SCFD2: variants seen among roughly 807,000 people sequenced by gnomAD.
The protein encoded by SCFD2 is sec1 family domain containing 2.
Under a neutral mutation model 58.9 loss-of-function variants are expected in SCFD2, and 54 were observed. That is an observed-to-expected ratio of 0.92 (90% CI 0.74 to 1.15). SCFD2 has a LOEUF of 1.15. Among genes scored for constraint, SCFD2 ranks in the 50% most tolerant of loss-of-function variants. SCFD2 has a pLI of 0.00. For synonymous variants in SCFD2, 321 were observed against 335.9 expected, an observed-to-expected ratio of 0.96 and a Z score of 0.49; for missense variants, 805 against 836.6, an observed-to-expected ratio of 0.96 and a Z score of 0.47.
chr4:53,309,341 A>G (rs1275312902), intron 3 of SCFD2, among the ~76,000 whole-genome samples: 5 of 152,234 alleles, frequency 3.3e-5, no homozygotes, highest in Non-Finnish European at 5.9e-5. Flanking sequence ...TAATTAGGAA[A>G]AGAGAGAATG....
At chr4:52,912,276 ACT>A (rs1196491173) in intron 6 of SCFD2, among the ~76,000 whole-genome samples, 1 of 152,044 alleles carries the variant, frequency 6.6e-6, no homozygotes, top group East Asian at 1.9e-4. Context: ...TGAGAGGGAC[ACT>A]CTGGTTTAAT....
intron 5 of SCFD2, among the ~76,000 whole-genome samples, chr4:53,066,405 C>A (rs1371537733): frequency 6.6e-6 from 1 of 152,032 alleles, no homozygotes; most frequent in Admixed American, 6.6e-5. Flanking sequence ...AGCCACTTAG[C>A]AATCAAAATC....
At chr4:53,202,057 C>T (rs186766862) in intron 4 of SCFD2, among the ~76,000 whole-genome samples, 4,735 of 152,086 alleles carry the variant, frequency 0.031, 147 homozygotes, top group African/African-American at 0.084. Flanking sequence ...ATTTTGGCTT[C>T]TGTTGCCATT....
chr4:53,273,187 C>T (rs1731227980), intron 4 of SCFD2, among the ~76,000 whole-genome samples: 1 of 152,040 alleles, frequency 6.6e-6, no homozygotes, highest in Non-Finnish European at 1.5e-5. Flanking sequence ...CAGATACTTG[C>T]CATTTTATGT....
chr4:52,972,385 G>A (rs1459119548), intron 5 of SCFD2, among the ~76,000 whole-genome samples: 1 of 152,130 alleles, frequency 6.6e-6, no homozygotes, highest in African/African-American at 2.4e-5. Flanking sequence ...GGATAAAACA[G>A]ACTTTAAAGC....
In SCFD2 at chr4:53,234,693, G is replaced by A. The variant is rs115324105; in HGVS notation, c.1311+39133C>T. Among the ~76,000 whole-genome samples, 1,251 of 152,194 alleles carry A rather than the reference G, an allele frequency of 8.2e-3. 19 individuals carry two copies. Among genetic ancestry groups the A allele is most frequent in the African/African-American group, 0.028 (1,174 of 41,540 alleles). On this transcript the variant is annotated intron_variant, in intron 4 of 8. Coordinates refer to ENST00000401642, the MANE Select transcript of SCFD2 (RefSeq NM_152540.4). ...TACTTCCAAACACCCAGAATCTGGC[G>A]ACGTTTAAGAGCACAAGCATCAAGA...
chr4:52,990,722 A>G (rs1231620681), intron 5 of SCFD2, among the ~76,000 whole-genome samples: 1 of 152,196 alleles, frequency 6.6e-6, no homozygotes, highest in East Asian at 1.9e-4. Context: ...TACTGTGTCT[A>G]TCTTGTTCAT....
At chr4:53,351,735 A>T (rs948886691) in intron 2 of SCFD2, among the ~76,000 whole-genome samples, 1 of 152,182 alleles carries the variant, frequency 6.6e-6, no homozygotes, top group Non-Finnish European at 1.5e-5. Context: ...TTTTCTTCCC[A>T]CATTGACCCA....
intron 3 of SCFD2, among the ~76,000 whole-genome samples, chr4:53,310,056 A>G (rs1732642024): frequency 6.6e-6 from 1 of 152,192 alleles, no homozygotes; most frequent in Admixed American, 6.5e-5. Flanking sequence ...AAACACAGAG[A>G]GACATATAAG....
chr4:53,070,041 T>C (rs139524998), intron 5 of SCFD2, among the ~76,000 whole-genome samples: 12 of 152,158 alleles, frequency 7.9e-5, no homozygotes, highest in Non-Finnish European at 1.0e-4. Flanking sequence ...TGTTTCAATG[T>C]TGACATCTGG....
Position 52,977,876 on chromosome 4 carries a change from G to C in SCFD2, c.1562-57006C>G, listed in dbSNP as rs529285996. 5.3e-5 allele frequency among the ~76,000 whole-genome samples: 8 copies of C among 152,140 alleles called. No individual in the cohort carries two copies. In the East Asian group the frequency reaches 9.6e-4, roughly 18 times the overall value. Reference sequence around the variant, plus strand: ...CATCTATGCCACAGACTTCGTCTACGGCAGATGAGAAAAGAGCCCATCCAC... The same window carrying C: ...CATCTATGCCACAGACTTCGTCTACCGCAGATGAGAAAAGAGCCCATCCAC... On this transcript the variant is annotated intron_variant, in intron 5 of 8. Transcript: ENST00000401642.
chr4:52,914,700 A>G (rs1003006566), intron 6 of SCFD2, among the ~76,000 whole-genome samples: 3 of 152,222 alleles, frequency 2.0e-5, no homozygotes, highest in Non-Finnish European at 4.4e-5. Flanking sequence ...TTTAAATCAG[A>G]AGAAAAAATA....
At chr4:53,224,721 C>T (rs1486166443) in intron 4 of SCFD2, among the ~76,000 whole-genome samples, 1 of 152,102 alleles carries the variant, frequency 6.6e-6, no homozygotes, top group African/African-American at 2.4e-5. Context: ...TGGCTTTAAG[C>T]CACTAAGTTT....
chr4:52,882,582 C>T (rs1176217635), intron 8 of SCFD2, among the ~76,000 whole-genome samples: 1 of 152,136 alleles, frequency 6.6e-6, no homozygotes, highest in Non-Finnish European at 1.5e-5. Flanking sequence ...GCCAGGACAG[C>T]CAGAATAAAC....
At chr4:53,040,665 A>G (rs1722876294) in intron 5 of SCFD2, among the ~76,000 whole-genome samples, 1 of 152,182 alleles carries the variant, frequency 6.6e-6, no homozygotes, top group African/African-American at 2.4e-5. Flanking sequence ...TGGGTTTCCT[A>G]TCTTTTCTGC....
chr4:53,113,919 G>T (rs1205605104), intron 5 of SCFD2, among the ~76,000 whole-genome samples: 1 of 151,862 alleles, frequency 6.6e-6, no homozygotes, highest in African/African-American at 2.4e-5. Context: ...GTTGTGAGAA[G>T]GCATTATTTC....
At chr4:52,971,157 G>A (rs1475972759) in intron 5 of SCFD2, among the ~76,000 whole-genome samples, 1 of 152,186 alleles carries the variant, frequency 6.6e-6, no homozygotes, top group Admixed American at 6.5e-5. Context: ...ATGGAACAAA[G>A]CTGGATGGAG....
intron 4 of SCFD2, among the ~76,000 whole-genome samples, chr4:53,219,049 C>G (rs552169528): frequency 5.3e-5 from 8 of 152,202 alleles, no homozygotes; most frequent in African/African-American, 1.9e-4. Context: ...TCTGCCCCTA[C>G]TAGAGGGTGC....
intron 8 of SCFD2, among the ~76,000 whole-genome samples, chr4:52,881,903 T>C (rs935648830): frequency 2.6e-5 from 4 of 152,056 alleles, no homozygotes; most frequent in Non-Finnish European, 5.9e-5. Flanking sequence ...AATACAATAG[T>C]TGAGAAATGC....
Sources: gnomAD v4.1 joint callset for allele counts (sites outside exome capture counted in the v4.1 genomes callset) on GRCh38, gnomAD v4.1.1 for gene constraint, MANE v1.5 for transcripts, NCBI Gene and HGNC (gene_info 2026-07-23, HGNC 2026-07-21) for gene names.